The following GPHN variants were observed in gnomAD, a reference collection of about 807,000 sequenced individuals.
GPHN encodes the protein gephyrin.
GPHN carries 17 observed loss-of-function variants against 95.5 expected under a neutral mutation model. That is an observed-to-expected ratio of 0.18 (90% CI 0.12 to 0.27). The LOEUF is 0.27. Ranked by LOEUF, GPHN falls within the 10% of genes least tolerant of loss-of-function variation. The probability of loss-of-function intolerance (pLI) is 1.00; values close to 1 mark genes in which losing one functional copy is unlikely to be tolerated. For missense variants in GPHN, 660 were observed against 978.1 expected (o/e 0.67, Z 4.34); for synonymous variants, 320 against 322.5 (o/e 0.99, Z 0.08).
chr14:67,345,916 C>A, the GPHN span: 1 of 1,244,024 alleles, frequency 8.0e-7, no homozygotes, highest in South Asian at 1.3e-5. Flanking sequence ...AGTAAAATAT[C>A]TTCCCTATAA....
intron 10 of GPHN, among the ~76,000 whole-genome samples, chr14:67,040,859 T>C (rs1158628815): frequency 1.3e-5 from 2 of 152,186 alleles, no homozygotes; most frequent in African/African-American, 2.4e-5. Context: ...ACTGGTGATA[T>C]TAACTTTGAT....
chr14:67,312,356 T>A, the GPHN span, among the ~76,000 whole-genome samples: 2 of 152,292 alleles, frequency 1.3e-5, no homozygotes, highest in East Asian at 1.9e-4. Flanking sequence ...GGGAGAAGGA[T>A]CGCTTGAGGC....
chr14:67,282,615 G>C, the GPHN span, among the ~76,000 whole-genome samples: 1 of 152,216 alleles, frequency 6.6e-6, no homozygotes, highest in East Asian at 1.9e-4. Context: ...TTTAAAAGCA[G>C]TTAGAATTTT....
At chr14:67,159,266 G>T in intron 18 of GPHN, 149 bp from the exon 19 acceptor site, 3 of 668,710 alleles carry the variant, frequency 4.5e-6, no homozygotes, top group East Asian at 5.5e-5. Context: ...GAAGAATGAA[G>T]GAATATTTGT....
At chr14:67,540,958 G>A in the GPHN span, among the ~76,000 whole-genome samples, 1 of 152,138 alleles carries the variant, frequency 6.6e-6, no homozygotes, top group Non-Finnish European at 1.5e-5. Context: ...CATACTATAG[G>A]TGTCTACTTG....
At chr14:66,514,974 A>T (rs2058182746) in intron 1 of GPHN, among the ~76,000 whole-genome samples, 2 of 152,052 alleles carry the variant, frequency 1.3e-5, no homozygotes. Context: ...AAGTCATTTC[A>T]CCTCTCTGAA....
chr14:67,306,041 C>T, the GPHN span, among the ~76,000 whole-genome samples: 3 of 152,170 alleles, frequency 2.0e-5, no homozygotes, highest in Admixed American at 2.0e-4. Context: ...ACCATCTGGG[C>T]TCACTGCAAC....
At chr14:67,615,972 A>G in the GPHN span, 1 of 343,142 alleles carries the variant, frequency 2.9e-6, no homozygotes, top group Non-Finnish European at 5.6e-6. Flanking sequence ...ATATTGAGCT[A>G]AAGGAAAGTC....
chr14:67,118,856 C>A (rs1204333583), intron 16 of GPHN, among the ~76,000 whole-genome samples: 1 of 152,094 alleles, frequency 6.6e-6, no homozygotes, highest in Non-Finnish European at 1.5e-5. Context: ...TTCTCAAGTG[C>A]CTTCGGCTAA....
intron 1 of GPHN, among the ~76,000 whole-genome samples, chr14:66,625,732 G>C (rs1566723739): frequency 6.6e-6 from 1 of 152,086 alleles, no homozygotes; most frequent in Non-Finnish European, 1.5e-5. Flanking sequence ...AGACTATTCT[G>C]TTTCTTGCAT....
chr14:66,748,395 G>C (rs2058239147), intron 2 of GPHN, among the ~76,000 whole-genome samples: 1 of 151,870 alleles, frequency 6.6e-6, no homozygotes, highest in African/African-American at 2.4e-5. Flanking sequence ...TAGGTTCATA[G>C]CAAAATTGAG....
At chr14:66,778,303 C>G (rs918928545) in intron 3 of GPHN, among the ~76,000 whole-genome samples, 1 of 152,156 alleles carries the variant, frequency 6.6e-6, no homozygotes, top group African/African-American at 2.4e-5. Context: ...AACTACAAAC[C>G]ACTGCTCAGT....
chr14:67,284,498 G>A, the GPHN span, among the ~76,000 whole-genome samples: 1 of 132,052 alleles, frequency 7.6e-6, no homozygotes, highest in Non-Finnish European at 1.6e-5. Context: ...GGAGGCTGAG[G>A]CAGGAGGATT....
At chr14:66,606,628 A>T (rs1286605009) in intron 1 of GPHN, among the ~76,000 whole-genome samples, 1 of 151,892 alleles carries the variant, frequency 6.6e-6, no homozygotes, top group East Asian at 1.9e-4. Flanking sequence ...ATTTCCATTT[A>T]TTTGTCTTGT....
chr14:67,512,175 C>T, the GPHN span, among the ~76,000 whole-genome samples: 1 of 152,206 alleles, frequency 6.6e-6, no homozygotes, highest in Non-Finnish European at 1.5e-5. Context: ...CACATGCATT[C>T]TCACACACCA....
the GPHN span, chr14:67,376,599 A>G: frequency 1.2e-6 from 2 of 1,611,302 alleles, no homozygotes; most frequent in Non-Finnish European, 8.5e-7. Flanking sequence ...TCGTAAGAAT[A>G]CCTTCTTGAC....
chr14:67,560,558 A>C, the GPHN span, among the ~76,000 whole-genome samples: 3 of 152,200 alleles, frequency 2.0e-5, no homozygotes, highest in African/African-American at 7.2e-5. Flanking sequence ...GGTAACCTCT[A>C]TTCCACCTTC....
At chr14:67,398,427 A>G in the GPHN span, among the ~76,000 whole-genome samples, 1 of 152,182 alleles carries the variant, frequency 6.6e-6, no homozygotes, top group South Asian at 2.1e-4. Flanking sequence ...TCACCTGACT[A>G]TTCTGCCCAT....
chr14:66,910,579 G>T (rs1435035891), intron 5 of GPHN, among the ~76,000 whole-genome samples: 1 of 151,808 alleles, frequency 6.6e-6, no homozygotes, highest in Non-Finnish European at 1.5e-5. Flanking sequence ...AAATGTTTTT[G>T]ACCATAAGCC....
Sources: allele counts gnomAD v4.1 joint callset (sites outside exome capture counted in the v4.1 genomes callset), GRCh38; gene constraint gnomAD v4.1.1; transcripts MANE v1.5; gene names NCBI Gene and HGNC (gene_info 2026-07-23, HGNC 2026-07-21).